The following PKD1L1 variants were observed in gnomAD, a reference collection of about 807,000 sequenced individuals.
The protein encoded by PKD1L1 is polycystin 1 like 1, transient receptor potential channel interacting, also known as polycystin-1-like protein 1.
In PKD1L1, 236 loss-of-function variants were observed where a neutral mutation model predicts 323.4. The observed-to-expected ratio is 0.73, with a 90% CI of 0.66 to 0.81. The LOEUF (loss-of-function observed/expected upper bound fraction) is 0.81. PKD1L1 is among the 40% of genes least tolerant of loss of function. PKD1L1 has a pLI of 0.00. For synonymous variants in PKD1L1, 1,344 were observed against 1,335.0 expected (o/e 1.01, Z -0.15); for missense variants, 3,320 against 3,508.0 (o/e 0.95, Z 1.35).
chr7:47,894,156 G>C (rs904444789), intron 14 of PKD1L1, 97 bp from the exon 15 acceptor site: 3 of 1,105,650 alleles, frequency 2.7e-6, no homozygotes, highest in Non-Finnish European at 2.5e-6. Flanking sequence ...GGAAGCCGAC[G>C]AGTCTCAACG....
chr7:47,864,090 A>G (rs1313782540), intron 26 of PKD1L1, among the ~76,000 whole-genome samples: 1 of 152,042 alleles, frequency 6.6e-6, no homozygotes, highest in Admixed American at 6.5e-5. Flanking sequence ...ATGAAAAGAG[A>G]AACTCTGGAG....
intron 46 of PKD1L1, among the ~76,000 whole-genome samples, chr7:47,817,764 G>C (rs928913677): frequency 1.3e-5 from 2 of 152,006 alleles, no homozygotes; most frequent in African/African-American, 4.8e-5. Context: ...CAGCTACTTG[G>C]GGGGCTGAGG....
chr7:47,806,471 C>G (rs1784779753), intron 52 of PKD1L1, among the ~76,000 whole-genome samples: 2 of 152,202 alleles, frequency 1.3e-5, no homozygotes, highest in South Asian at 4.1e-4. Context: ...GGTTGACTAG[C>G]AGAGCTATAC....
intron 41 of PKD1L1, among the ~76,000 whole-genome samples, chr7:47,831,932 C>G (rs550656268): frequency 2.0e-5 from 3 of 152,320 alleles, no homozygotes; most frequent in African/African-American, 7.2e-5. Context: ...CAGTTTTCAA[C>G]CTTCCCTCTC....
the PKD1L1 span, among the ~76,000 whole-genome samples, chr7:47,960,629 T>TGTA: frequency 6.6e-6 from 1 of 150,742 alleles, no homozygotes; most frequent in East Asian, 1.9e-4. Flanking sequence ...CAGATATGTA[T>TGTA]GTAAGACTGT....
rs554075919 is a variant in PKD1L1, at chr7:47,910,575, T to G, written c.1229-2325A>C. Among the ~76,000 whole-genome samples, 11 of 152,138 alleles carry G rather than the reference T, an allele frequency of 7.2e-5. No homozygotes were observed. In the South Asian group the frequency reaches 2.3e-3, roughly 32 times the overall value. ...GGATGGTCTCGATCTCCCAACCTCA[T>G]GATCCACTCTCCTTGGCCTCCCAAA... is the stretch of plus-strand genomic sequence containing the variant. On this transcript the variant is annotated intron_variant, in intron 8 of 56. Coordinates refer to ENST00000289672, the MANE Select transcript of PKD1L1 (RefSeq NM_138295.5).
At chr7:47,937,259 T>TGGGGGGGG (rs10610147) in intron 3 of PKD1L1, among the ~76,000 whole-genome samples, 1 of 73,088 alleles carries the variant, frequency 1.4e-5, no homozygotes, top group Non-Finnish European at 2.6e-5. Context: ...GGGGTGGGGG[T>TGGGGGGGG]GGGGGGGGGG....
In PKD1L1 at chr7:47,784,378, T is replaced by C. The variant is rs58751377; in HGVS notation, c.8526+8249A>G. Among the ~76,000 whole-genome samples the C allele has an allele frequency of 8.9e-3, 1,350 of 152,308 alleles. 25 individuals carry two copies. Among genetic ancestry groups the C allele is most frequent in the African/African-American group, 0.03 (1,247 of 41,560 alleles). The stretch of plus-strand genomic sequence containing the variant: ...AAATTCCAAGACATACTTAGAAACA[T>C]AGAAAAGCTTAGAAAAAATAAGAAC... On this transcript the variant is annotated intron_variant, in intron 56 of 56. Coordinates refer to ENST00000289672, the MANE Select transcript of PKD1L1 (RefSeq NM_138295.5).
intron 55 of PKD1L1, among the ~76,000 whole-genome samples, chr7:47,794,946 AC>A (rs902064761): frequency 2.0e-5 from 3 of 152,018 alleles, no homozygotes; most frequent in Non-Finnish European, 4.4e-5. Flanking sequence ...AGTTGTATTT[AC>A]CCAATCCCTG....
At chr7:47,883,653 A>G (rs769335897) in intron 19 of PKD1L1, among the ~76,000 whole-genome samples, 1 of 152,198 alleles carries the variant, frequency 6.6e-6, no homozygotes, top group Admixed American at 6.5e-5. Flanking sequence ...GAAGAGCACG[A>G]CACACAGGAA....
chr7:47,790,491 C>T (rs957863439), intron 56 of PKD1L1, among the ~76,000 whole-genome samples: 4 of 151,610 alleles, frequency 2.6e-5, no homozygotes, highest in African/African-American at 7.3e-5. Context: ...CCACCATACT[C>T]GGCTAATTTT....
chr7:47,931,473 G>A (rs746045473), intron 5 of PKD1L1, 152 bp from the exon 6 acceptor site: 16 of 775,308 alleles, frequency 2.1e-5, no homozygotes, highest in Admixed American at 7.4e-5. Context: ...AATTGGCCCC[G>A]TGCATTGGCG....
At chr7:47,952,203 A>G (rs559286560), upstream of PKD1L1, among the ~76,000 whole-genome samples, 2 of 152,356 alleles carry the variant, frequency 1.3e-5, no homozygotes, top group East Asian at 3.9e-4. Context: ...GGTGAAAAGA[A>G]AGAAAAATTG....
rs765814000 is a variant in PKD1L1 at position 47,821,083 on chromosome 7, A to G, written c.6958T>C (p.Phe2320Leu). The G allele has an allele frequency of 6.3e-7, 1 of 1,582,476 alleles. No individual in the cohort carries two copies. The stretch of plus-strand genomic sequence containing the variant: ...GTTACCCAAACCTCCTACCTTGTAA[A>G]TTCTTTCCGGATAGCTTGATTGAGG... ...YSLNQAIRKE[F>L]TRNARNCLGG... The change falls in exon 46 of 57, where the codon TTT (phenylalanine) becomes CTT (leucine). Residue 2320 changes from phenylalanine (F) to leucine (L), a missense_variant. Coordinates refer to ENST00000289672, the MANE Select transcript of PKD1L1 (RefSeq NM_138295.5).
intron 31 of PKD1L1, among the ~76,000 whole-genome samples, chr7:47,849,060 T>A (rs1012050785): frequency 3.3e-5 from 5 of 152,178 alleles, no homozygotes; most frequent in Admixed American, 6.5e-5. Context: ...TAAAGCCAAT[T>A]GATTTTTGAC....
chr7:47,903,556 A>G (rs1583662282), intron 12 of PKD1L1, among the ~76,000 whole-genome samples: 1 of 152,222 alleles, frequency 6.6e-6, no homozygotes, highest in Non-Finnish European at 1.5e-5. Flanking sequence ...TGATGGGGCC[A>G]TTCAGTCCCC....
chr7:47,936,050 A>G (rs1346062470), intron 4 of PKD1L1, among the ~76,000 whole-genome samples: 1 of 152,272 alleles, frequency 6.6e-6, no homozygotes, highest in Non-Finnish European at 1.5e-5. Context: ...TTTCCATTAG[A>G]AGGAGTAAAA....
chr7:47,851,558 G>A (rs1212372657), intron 31 of PKD1L1, among the ~76,000 whole-genome samples: 2 of 152,104 alleles, frequency 1.3e-5, no homozygotes, highest in African/African-American at 4.8e-5. Context: ...AGCCTTCTAT[G>A]TACCTATATC....
At position 47,880,830 on chromosome 7, in the gene PKD1L1, G is replaced by C. The variant is rs1274725620; in HGVS notation, c.3443-25C>G. On this transcript the variant is annotated intron_variant, in intron 20 of 56. Transcript: ENST00000289672. Reference sequence around the variant, plus strand: ...CCTGCAGAAAAGACATGGCTGCATGGAAATGACAGTCAGTGGTCTCAAGGA... The same window carrying C: ...CCTGCAGAAAAGACATGGCTGCATGCAAATGACAGTCAGTGGTCTCAAGGA... 5 of 1,574,256 alleles carry C rather than the reference G, an allele frequency of 3.2e-6. No homozygotes were observed. The East Asian group carries it at 1.2e-4, about 37-fold the overall frequency.
Sources: gnomAD v4.1 joint callset for allele counts (sites outside exome capture counted in the v4.1 genomes callset) on GRCh38, gnomAD v4.1.1 for gene constraint, MANE v1.5 for transcripts, NCBI Gene and HGNC (gene_info 2026-07-23, HGNC 2026-07-21) for gene names.